Variants in CD1B observed in about 807,000 individuals in gnomAD.
CD1B encodes the protein CD1b molecule.
CD1B carries 43 observed loss-of-function variants against 39.8 expected under a neutral mutation model. That is an observed-to-expected ratio of 1.08 (90% CI 0.85 to 1.39). CD1B has a LOEUF of 1.39. Among genes scored for constraint, CD1B ranks in the 40% most tolerant of loss-of-function variants. CD1B has a pLI of 0.00. For synonymous variants in CD1B, 192 were observed against 152.5 expected (o/e 1.26, Z -1.91); for missense variants, 495 against 403.8 (o/e 1.23, Z -1.94).
chr1:158,331,332 C>T lies in CD1B; in HGVS notation c.61+31G>A, dbSNP rs200242721. 1.2e-3 allele frequency: 1,972 copies of T among 1,582,648 alleles called. 8 individuals carry two copies. The highest frequency in any genetic ancestry group is 4.5e-3 in the South Asian group (406 of 90,456). ...CTTTTTAAAATCCAAACCCCTGCAC[C>T]AGTGCTGGGAGCTGCCAGAGTGACT... On this transcript the variant is annotated intron_variant, in intron 1 of 5. Transcript: ENST00000368168.
chr1:158,305,944 A>G, the CD1B span, among the ~76,000 whole-genome samples: 2 of 152,222 alleles, frequency 1.3e-5, no homozygotes, highest in Non-Finnish European at 2.9e-5. Flanking sequence ...CTAAACATGA[A>G]AAGGAACAAG....
chr1:158,301,593 T>C, the CD1B span, among the ~76,000 whole-genome samples: 1 of 152,224 alleles, frequency 6.6e-6, no homozygotes, highest in Non-Finnish European at 1.5e-5. Context: ...AATTCTTTTC[T>C]TTAAGAATGT....
chr1:158,322,301 A>G, the CD1B span, among the ~76,000 whole-genome samples: 9 of 152,280 alleles, frequency 5.9e-5, no homozygotes, highest in African/African-American at 9.6e-5. Flanking sequence ...CTGTGACTCA[A>G]TCTTGGCTCA....
At chr1:158,312,092 G>A in the CD1B span, among the ~76,000 whole-genome samples, 350 of 152,146 alleles carry the variant, frequency 2.3e-3, 2 homozygotes, top group African/African-American at 8.1e-3. Context: ...GGTAGTATGG[G>A]CATTTTAACA....
chr1:158,302,955 C>A, the CD1B span, among the ~76,000 whole-genome samples: 1 of 151,948 alleles, frequency 6.6e-6, no homozygotes, highest in Non-Finnish European at 1.5e-5. Context: ...CATTGTGATA[C>A]CAAAACCTGG....
Position 158,331,355 on chromosome 1 carries a change from A to G in CD1B, c.61+8T>C. The G allele has an allele frequency of 6.2e-7, 1 of 1,612,840 alleles. No individual in the cohort carries two copies. Among genetic ancestry groups the G allele is most frequent in the South Asian group, 1.1e-5 (1 of 91,040 alleles). On this transcript the variant is annotated splice_region_variant and intron_variant, in intron 1 of 5. Coordinates refer to ENST00000368168, the MANE Select transcript of CD1B (RefSeq NM_001764.3). ...ACCAGTGCTGGGAGCTGCCAGAGTG[A>G]CTCTTACCATGTTCACTGTTACCAC...
the CD1B span, among the ~76,000 whole-genome samples, chr1:158,311,967 T>G: frequency 6.6e-6 from 1 of 152,214 alleles, no homozygotes; most frequent in Non-Finnish European, 1.5e-5. Flanking sequence ...CAAGATTACT[T>G]TGGCTTTTGG....
chr1:158,327,275 TAC>T (rs1652389591), downstream of CD1B, among the ~76,000 whole-genome samples: 2 of 152,262 alleles, frequency 1.3e-5, no homozygotes, highest in Admixed American at 1.3e-4. Flanking sequence ...TCTTGCTAGC[TAC>T]AGAAAAGTTA....
chr1:158,299,946 T>A, the CD1B span, among the ~76,000 whole-genome samples: 1 of 152,212 alleles, frequency 6.6e-6, no homozygotes, highest in African/African-American at 2.4e-5. Flanking sequence ...AGGTCCTGGA[T>A]TCATTGATCT....
the CD1B span, chr1:158,293,724 C>T: frequency 1.2e-6 from 1 of 839,914 alleles, no homozygotes. Context: ...TTGACCCATA[C>T]TGAACCCAGA....
chr1:158,314,063 T>C, the CD1B span, among the ~76,000 whole-genome samples: 2 of 152,250 alleles, frequency 1.3e-5, no homozygotes, highest in East Asian at 3.9e-4. Context: ...TTTCTTAATT[T>C]GTCTAGTTAA....
the CD1B span, chr1:158,291,442 T>C: frequency 6.3e-7 from 1 of 1,594,192 alleles, no homozygotes; most frequent in South Asian, 1.1e-5. Flanking sequence ...TTTAGAATGT[T>C]CTATTTCAGG....
the CD1B span, among the ~76,000 whole-genome samples, chr1:158,308,426 A>T: frequency 6.6e-6 from 1 of 152,232 alleles, no homozygotes; most frequent in Non-Finnish European, 1.5e-5. Context: ...TTGTAGATTC[A>T]ATGCCATCTC....
chr1:158,293,973 T>C, the CD1B span, among the ~76,000 whole-genome samples: 1 of 152,264 alleles, frequency 6.6e-6, no homozygotes, highest in Non-Finnish European at 1.5e-5. Context: ...ATTGGAAATA[T>C]TCATGCTTCT....
chr1:158,330,004 G>A lies in CD1B; in HGVS notation c.455C>T (p.Ser152Phe), dbSNP rs1283001621. The A allele has an allele frequency of 6.2e-7, 1 of 1,614,048 alleles. No homozygotes were observed. Among genetic ancestry groups the A allele is most frequent in the Non-Finnish European group, 8.5e-7 (1 of 1,179,994 alleles). The stretch of plus-strand genomic sequence containing the variant: ...CTGTGCCCTGCTGCCACCTTCTGGG[G>A]AAGGCACACATGAAGCATTCTTGAC... Reference protein sequence around the residue: ...LSVKNASCVPSPEGGSRAQKF... With the variant: ...LSVKNASCVPFPEGGSRAQKF... The change falls in exon 3 of 6, where the codon TCC becomes TTC. Residue 152 changes from serine (S) to phenylalanine (F), a missense_variant. Transcript: ENST00000368168.
chr1:158,302,065 C>CA, the CD1B span, among the ~76,000 whole-genome samples: 2 of 151,866 alleles, frequency 1.3e-5, no homozygotes, highest in African/African-American at 4.8e-5. Flanking sequence ...TCAACACATT[C>CA]AAAAAAACCA....
chr1:158,325,684 C>G (rs1652326196), downstream of CD1B, among the ~76,000 whole-genome samples: 1 of 152,024 alleles, frequency 6.6e-6, no homozygotes, highest in Admixed American at 6.6e-5. Flanking sequence ...CAATTTCCAT[C>G]ACACAGAGAA....
At chr1:158,301,756 A>G in the CD1B span, among the ~76,000 whole-genome samples, 1 of 151,934 alleles carries the variant, frequency 6.6e-6, no homozygotes, top group Non-Finnish European at 1.5e-5. Flanking sequence ...TCTGATAATT[A>G]TGTGTCTTGG....
chr1:158,328,906 C>G lies in CD1B; in HGVS notation c.980+15G>C, dbSNP rs760675838. The G allele has an allele frequency of 1.3e-6, 2 of 1,550,434 alleles. No homozygotes were observed. The highest frequency in any genetic ancestry group is 1.7e-6 in the Non-Finnish European group (2 of 1,149,810). ...AGACATATTAAAAAAAAAAACAACA[C>G]CACCCACAACTCACCGGCGCCTCAT... On this transcript the variant is annotated intron_variant, in intron 5 of 5. Coordinates refer to ENST00000368168, the MANE Select transcript of CD1B (RefSeq NM_001764.3).
Sources: gnomAD v4.1 joint callset for allele counts (sites outside exome capture counted in the v4.1 genomes callset) on GRCh38, gnomAD v4.1.1 for gene constraint, MANE v1.5 for transcripts, NCBI Gene and HGNC (gene_info 2026-07-23, HGNC 2026-07-21) for gene names.